The following PEMT variants were observed in gnomAD, a reference collection of about 807,000 sequenced individuals.
PEMT encodes phospholipid methyltransferase.
PEMT carries 23 observed loss-of-function variants against 27.4 expected under a neutral mutation model. The observed-to-expected ratio is 0.84, with a 90% CI of 0.60 to 1.19. PEMT has a LOEUF of 1.19. Ranked by LOEUF, PEMT falls within the 50% of genes most tolerant of loss-of-function variation. PEMT has a pLI of 0.00. For missense variants in PEMT, 307 were observed against 310.1 expected, an observed-to-expected ratio of 0.99 and a Z score of 0.07; for synonymous variants, 137 against 139.1, an observed-to-expected ratio of 0.98 and a Z score of 0.11.
chr17:17,540,963 T>G (rs8064558), intron 2 of PEMT, among the ~76,000 whole-genome samples: 20,396 of 152,208 alleles, frequency 0.13, 2,461 homozygotes, highest in African/African-American at 0.32. Flanking sequence ...TCTTCTTGCT[T>G]TCTGTGGGCA....
At chr17:17,588,944 A>G (rs1046223973) in intron 1 of PEMT, among the ~76,000 whole-genome samples, 6 of 152,182 alleles carry the variant, frequency 3.9e-5, no homozygotes, top group African/African-American at 1.2e-4. Flanking sequence ...CCTCAGCCCA[A>G]TGGCTGATTC....
chr17:17,535,916 C>T (rs761008725), intron 2 of PEMT, among the ~76,000 whole-genome samples: 3 of 152,240 alleles, frequency 2.0e-5, no homozygotes, highest in Non-Finnish European at 4.4e-5. Context: ...CCCCAACTTC[C>T]CTAAGGGTGA....
chr17:17,568,608 C>T (rs1910987070), intron 2 of PEMT, among the ~76,000 whole-genome samples: 1 of 152,168 alleles, frequency 6.6e-6, no homozygotes, highest in Non-Finnish European at 1.5e-5. Context: ...GGGTACAGGG[C>T]CTGGGCTGAT....
intron 2 of PEMT, among the ~76,000 whole-genome samples, chr17:17,527,333 G>C (rs1185656224): frequency 6.6e-6 from 1 of 152,192 alleles, no homozygotes; most frequent in African/African-American, 2.4e-5. Flanking sequence ...CACTGTGCCC[G>C]GTGAGGGTAG....
At chr17:17,551,166 A>G (rs562045025) in intron 2 of PEMT, among the ~76,000 whole-genome samples, 2 of 152,254 alleles carry the variant, frequency 1.3e-5, no homozygotes, top group South Asian at 4.1e-4. Flanking sequence ...TCGACTGTTG[A>G]TGAAGGAAAT....
intron 2 of PEMT, among the ~76,000 whole-genome samples, chr17:17,546,528 T>TA (rs1909272477): frequency 6.6e-6 from 1 of 152,220 alleles, no homozygotes; most frequent in African/African-American, 2.4e-5. Context: ...CATTTGCTAA[T>TA]AAGGCTGATA....
chr17:17,581,546 T>C (rs1317536131), intron 1 of PEMT, among the ~76,000 whole-genome samples: 1 of 152,140 alleles, frequency 6.6e-6, no homozygotes, highest in Non-Finnish European at 1.5e-5. Flanking sequence ...AATATGCTTT[T>C]TTCACCTTCT....
At chr17:17,524,645 T>C (rs1003588805) in intron 2 of PEMT, among the ~76,000 whole-genome samples, 2 of 151,134 alleles carry the variant, frequency 1.3e-5, no homozygotes, top group African/African-American at 2.4e-5. Context: ...AGCCAGAAGA[T>C]TGCCTGAGCC....
chr17:17,509,738 G>T (rs898173905), intron 4 of PEMT, among the ~76,000 whole-genome samples, 193 bp from the exon 5 acceptor site: 2 of 152,158 alleles, frequency 1.3e-5, no homozygotes, highest in Non-Finnish European at 2.9e-5. Context: ...CAGAGGGCGT[G>T]GGGCCTAAGG....
At chr17:17,580,269 G>C (rs1911896127) in intron 1 of PEMT, among the ~76,000 whole-genome samples, 1 of 152,120 alleles carries the variant, frequency 6.6e-6, no homozygotes, top group African/African-American at 2.4e-5. Flanking sequence ...ACAGGGTCAG[G>C]AGTTTGAGAC....
intron 1 of PEMT, among the ~76,000 whole-genome samples, chr17:17,590,812 A>C (rs890522165): frequency 5.3e-5 from 8 of 152,226 alleles, no homozygotes; most frequent in African/African-American, 1.9e-4. Context: ...AGAGGTTGGA[A>C]ATTGGAATCC....
chr17:17,519,975 C>T (rs983047756), intron 3 of PEMT, among the ~76,000 whole-genome samples: 3 of 152,184 alleles, frequency 2.0e-5, no homozygotes, highest in Admixed American at 2.0e-4. Context: ...TGCTTTGTGC[C>T]GGCCCTGATG....
At chr17:17,546,261 G>A (rs1364005468) in intron 2 of PEMT, among the ~76,000 whole-genome samples, 1 of 152,196 alleles carries the variant, frequency 6.6e-6, no homozygotes. Context: ...AGAAGGGCAT[G>A]TGTGGGCCAC....
In PEMT at chr17:17,523,954, C is replaced by T. The variant is rs974686755; in HGVS notation, c.205-1559G>A. Among the ~76,000 whole-genome samples, 8 of 152,304 alleles carry T rather than the reference C, an allele frequency of 5.3e-5. No individual in the cohort carries two copies. The highest frequency in any genetic ancestry group is 9.6e-5 in the African/African-American group (4 of 41,574). Reference sequence around the variant, plus strand: ...CTGCCGGCCCCTGGCAACCACTCATCGCTTTCCGTTGCTATGGATTCACCT... The same window carrying T: ...CTGCCGGCCCCTGGCAACCACTCATTGCTTTCCGTTGCTATGGATTCACCT... On this transcript the variant is annotated intron_variant, in intron 2 of 6. Transcript: ENST00000255389. This position sits in a 1 kb window ranked among gnomAD's most constrained non-coding sequence, Gnocchi z 4.8.
intron 2 of PEMT, among the ~76,000 whole-genome samples, chr17:17,525,884 C>T (rs1346314362): frequency 6.6e-6 from 1 of 152,190 alleles, no homozygotes. Context: ...GTCCCAGCTA[C>T]TCAGGAGGCT....
intron 2 of PEMT, among the ~76,000 whole-genome samples, chr17:17,572,096 C>A (rs1299316097): frequency 6.6e-6 from 1 of 152,242 alleles, no homozygotes; most frequent in Admixed American, 6.5e-5. Context: ...TGCCCCAGGG[C>A]AGCCAACGGC....
At chr17:17,573,343 C>T (rs553112392) in intron 2 of PEMT, among the ~76,000 whole-genome samples, 26 of 147,378 alleles carry the variant, frequency 1.8e-4, no homozygotes, top group African/African-American at 6.3e-4. Flanking sequence ...GGCAGGTCCC[C>T]GTAATCCCAG....
intron 2 of PEMT, among the ~76,000 whole-genome samples, chr17:17,526,552 A>G (rs147306665): frequency 1.1e-4 from 16 of 152,286 alleles, no homozygotes; most frequent in African/African-American, 3.1e-4. Context: ...CTCTCCCCCT[A>G]TCCGTGGCTC....
At chr17:17,507,314 C>T (rs1905956134) in intron 5 of PEMT, 9 of 819,532 alleles carry the variant, frequency 1.1e-5, no homozygotes, top group Non-Finnish European at 1.8e-5. Context: ...CTGTGCCCTC[C>T]TTGGCTGCCC....
Sources: allele counts gnomAD v4.1 joint callset (sites outside exome capture counted in the v4.1 genomes callset), GRCh38; gene constraint gnomAD v4.1.1; non-coding constraint Gnocchi (gnomAD v3.1); transcripts MANE v1.5; gene names NCBI Gene and HGNC (gene_info 2026-07-23, HGNC 2026-07-21).